SH3BGRL2: variants seen among roughly 807,000 people sequenced by gnomAD.
SH3BGRL2 encodes SH3 domain binding glutamate rich protein like 2.
A neutral mutation model predicts 14.8 loss-of-function variants in SH3BGRL2; 21 were observed. The observed-to-expected ratio is 1.42, with a 90% confidence interval of 1.01 to 2.05. The LOEUF (loss-of-function observed/expected upper bound fraction) is 2.05, where lower values mean the gene tolerates loss of function less well. Ranked by LOEUF, SH3BGRL2 falls within the 30% of genes most tolerant of loss-of-function variation. The pLI is 0.00. For missense variants in SH3BGRL2, 147 were observed against 130.8 expected, an observed-to-expected ratio of 1.12 and a Z score of -0.61; for synonymous variants, 50 against 47.8, an observed-to-expected ratio of 1.05 and a Z score of -0.19.
chr6:79,582,788 A>G, the SH3BGRL2 span, among the ~76,000 whole-genome samples: 2 of 152,226 alleles, frequency 1.3e-5, no homozygotes, highest in Admixed American at 1.3e-4. Context: ...GACAAATGGG[A>G]TCTAATTAAA....
chr6:79,630,426 C>G (rs1470102315), upstream of SH3BGRL2, among the ~76,000 whole-genome samples: 1 of 152,134 alleles, frequency 6.6e-6, no homozygotes, highest in African/African-American at 2.4e-5. Context: ...GAGAGAGAGG[C>G]TTGAGCTTTT....
chr6:79,597,408 AGG>A, the SH3BGRL2 span, among the ~76,000 whole-genome samples: 1 of 152,036 alleles, frequency 6.6e-6, no homozygotes, highest in South Asian at 2.1e-4. Context: ...GAAGGAAGGA[AGG>A]AAAAGAAAGA....
chr6:79,687,869 C>T (rs996345366), intron 2 of SH3BGRL2, among the ~76,000 whole-genome samples: 4 of 152,138 alleles, frequency 2.6e-5, no homozygotes, highest in Non-Finnish European at 5.9e-5. Context: ...ATGTCCTTGG[C>T]ATGAAGAAAT....
At chr6:79,592,686 C>T in the SH3BGRL2 span, among the ~76,000 whole-genome samples, 45 of 152,206 alleles carry the variant, frequency 3.0e-4, no homozygotes, top group African/African-American at 1.0e-3. Flanking sequence ...CTGGAGAAGT[C>T]GGCAGGACCA....
At chr6:79,684,015 AAAAC>A (rs770414061) in intron 2 of SH3BGRL2, among the ~76,000 whole-genome samples, 1 of 152,204 alleles carries the variant, frequency 6.6e-6, no homozygotes, top group African/African-American at 2.4e-5. Context: ...GTCAGTGAGG[AAAAC>A]AAACAAACAA....
chr6:79,622,781 G>C, the SH3BGRL2 span, among the ~76,000 whole-genome samples: 19 of 152,308 alleles, frequency 1.2e-4, no homozygotes, highest in Admixed American at 1.1e-3. Context: ...TTCTGGTTTT[G>C]AGAGATGATT....
At chr6:79,638,789 G>T (rs982018157) in intron 1 of SH3BGRL2, among the ~76,000 whole-genome samples, 2 of 151,980 alleles carry the variant, frequency 1.3e-5, no homozygotes, top group African/African-American at 4.8e-5. Flanking sequence ...ATTTTAGTTG[G>T]ATTATTTATT....
chr6:79,655,588 C>A (rs1243129304), intron 1 of SH3BGRL2, among the ~76,000 whole-genome samples: 5 of 152,052 alleles, frequency 3.3e-5, no homozygotes, highest in African/African-American at 1.2e-4. Flanking sequence ...GGTCCCCAAG[C>A]CCCCCACCTT....
intron 1 of SH3BGRL2, among the ~76,000 whole-genome samples, chr6:79,666,473 T>C (rs1769662088): frequency 6.6e-6 from 1 of 152,186 alleles, no homozygotes; most frequent in African/African-American, 2.4e-5. Context: ...GCCATTTGCA[T>C]CCTCTTTTTT....
the SH3BGRL2 span, among the ~76,000 whole-genome samples, chr6:79,551,741 C>T: frequency 6.6e-6 from 1 of 152,292 alleles, no homozygotes; most frequent in South Asian, 2.1e-4. Flanking sequence ...CCCATGTTCA[C>T]TTTGTGGTGG....
chr6:79,694,644 C>T (rs1384365449), intron 2 of SH3BGRL2, among the ~76,000 whole-genome samples: 8 of 152,176 alleles, frequency 5.3e-5, no homozygotes, highest in Non-Finnish European at 1.0e-4. Context: ...TCAGATATTA[C>T]ATGTTGAAAT....
chr6:79,635,910 C>G (rs1768912741), intron 1 of SH3BGRL2, among the ~76,000 whole-genome samples: 1 of 152,088 alleles, frequency 6.6e-6, no homozygotes, highest in Non-Finnish European at 1.5e-5. Flanking sequence ...GTGTTACATC[C>G]CCGTGAATGT....
the SH3BGRL2 span, among the ~76,000 whole-genome samples, chr6:79,572,590 C>T: frequency 6.6e-6 from 1 of 152,072 alleles, no homozygotes; most frequent in African/African-American, 2.4e-5. Context: ...CTCAGGCTCC[C>T]GAGGAGCTGG....
At chr6:79,553,924 T>A in the SH3BGRL2 span, among the ~76,000 whole-genome samples, 2 of 150,362 alleles carry the variant, frequency 1.3e-5, no homozygotes, top group African/African-American at 4.9e-5. Flanking sequence ...GCCGAGATTG[T>A]GCCACTGCAC....
intron 1 of SH3BGRL2, among the ~76,000 whole-genome samples, chr6:79,652,243 G>T (rs1425746283): frequency 6.6e-6 from 1 of 152,132 alleles, no homozygotes; most frequent in African/African-American, 2.4e-5. Context: ...GCTACTCAAA[G>T]TGTGGTCCAT....
chr6:79,550,105 A>G, the SH3BGRL2 span, among the ~76,000 whole-genome samples: 1 of 152,180 alleles, frequency 6.6e-6, no homozygotes, highest in South Asian at 2.1e-4. Context: ...CAAGTTCTCT[A>G]TCTCAAATAC....
At chr6:79,697,800 A>G (rs1209639281) in intron 3 of SH3BGRL2, among the ~76,000 whole-genome samples, 1 of 152,226 alleles carries the variant, frequency 6.6e-6, no homozygotes, top group Non-Finnish European at 1.5e-5. Flanking sequence ...TTTATCTTCA[A>G]AGAACTGGAA....
intron 2 of SH3BGRL2, among the ~76,000 whole-genome samples, chr6:79,678,072 T>C (rs1259078767): frequency 6.6e-6 from 1 of 152,196 alleles, no homozygotes; most frequent in Admixed American, 6.5e-5. Context: ...CTTTTCTCTC[T>C]CTCTCTATTC....
At chr6:79,559,118 T>A in the SH3BGRL2 span, among the ~76,000 whole-genome samples, 4 of 152,304 alleles carry the variant, frequency 2.6e-5, no homozygotes, top group African/African-American at 9.6e-5. Context: ...ACTGTATAGT[T>A]ACCACTTTTT....
Sources: gnomAD v4.1 joint callset for allele counts (sites outside exome capture counted in the v4.1 genomes callset) on GRCh38, gnomAD v4.1.1 for gene constraint, MANE v1.5 for transcripts, NCBI Gene and HGNC (gene_info 2026-07-23, HGNC 2026-07-21) for gene names.